PPP1R16B: variants seen among roughly 807,000 people sequenced by gnomAD.
The protein encoded by PPP1R16B is protein phosphatase 1 regulatory inhibitor subunit 16B.
Under a neutral mutation model 61.7 loss-of-function variants are expected in PPP1R16B, and 14 were observed. The observed-to-expected ratio is 0.23, with a 90% CI of 0.15 to 0.35. PPP1R16B has a LOEUF of 0.35. Ranked by LOEUF, PPP1R16B falls within the 10% of genes least tolerant of loss-of-function variation. The pLI, the probability that PPP1R16B is intolerant of heterozygous loss-of-function variation, is 1.00. For missense variants in PPP1R16B, 547 were observed against 752.5 expected, an observed-to-expected ratio of 0.73 and a Z score of 3.19; for synonymous variants, 266 against 305.3, an observed-to-expected ratio of 0.87 and a Z score of 1.34.
chr20:38,814,553 C>T (rs2084723064), intron 1 of PPP1R16B, among the ~76,000 whole-genome samples: 1 of 152,066 alleles, frequency 6.6e-6, no homozygotes, highest in South Asian at 2.1e-4. Flanking sequence ...TAGGAGGTAC[C>T]TGATACATGC....
At chr20:38,815,090 G>A (rs914511387) in intron 1 of PPP1R16B, among the ~76,000 whole-genome samples, 1 of 151,938 alleles carries the variant, frequency 6.6e-6, no homozygotes, top group African/African-American at 2.4e-5. Context: ...ATGGCTGTAT[G>A]TCATGCTTTT....
intron 2 of PPP1R16B, among the ~76,000 whole-genome samples, chr20:38,887,675 G>A (rs6015978): frequency 0.47 from 71,401 of 152,124 alleles, 17,661 homozygotes; most frequent in East Asian, 0.71. Context: ...TTAAGCAGCC[G>A]TAATAGCCAG....
At chr20:38,917,811 C>T (rs1390054770) in intron 10 of PPP1R16B, among the ~76,000 whole-genome samples, 2 of 152,164 alleles carry the variant, frequency 1.3e-5, no homozygotes, top group African/African-American at 2.4e-5. Context: ...ACCCACAGTT[C>T]CTACAGAAAC....
chr20:38,835,835 G>A lies in PPP1R16B; in HGVS notation c.-91G>A, dbSNP rs751598942. 6 of 1,401,982 alleles carry A rather than the reference G, an allele frequency of 4.3e-6. No homozygotes were observed. The highest frequency in any genetic ancestry group is 5.6e-6 in the Non-Finnish European group (6 of 1,067,042). The allele number at this position is 1,401,982 out of a possible 1,614,324, so 86.8% of individuals were successfully genotyped here. A position where few individuals can be genotyped will look rare whatever the true frequency, so the allele number is the denominator to read the frequency against. ...CCCTCCCTGCCACAGGCCACACCAT[G>A]AGGCCCCAGCCCCACCAGAGGCCCC... On this transcript the variant is annotated 5_prime_UTR_variant, in exon 2 of 11. It removes an upstream start codon present in the reference 5' UTR. Transcript: ENST00000299824.
chr20:38,901,775 C>T (rs1186368079), intron 5 of PPP1R16B, among the ~76,000 whole-genome samples: 2 of 152,174 alleles, frequency 1.3e-5, no homozygotes, highest in African/African-American at 2.4e-5. Flanking sequence ...TATATTAAAG[C>T]GTAAGTACCA....
At chr20:38,845,122 G>A (rs1490303969) in intron 2 of PPP1R16B, among the ~76,000 whole-genome samples, 1 of 152,154 alleles carries the variant, frequency 6.6e-6, no homozygotes, top group African/African-American at 2.4e-5. Flanking sequence ...AACCTAACCA[G>A]AAAGCAGAAT....
At chr20:38,883,455 A>G (rs1195451766) in intron 2 of PPP1R16B, among the ~76,000 whole-genome samples, 1 of 152,260 alleles carries the variant, frequency 6.6e-6, no homozygotes, top group African/African-American at 2.4e-5. Flanking sequence ...GGAGAGGACC[A>G]GATGGCCCTG....
chr20:38,899,151 C>A (rs900612975), intron 4 of PPP1R16B, among the ~76,000 whole-genome samples: 17 of 152,272 alleles, frequency 1.1e-4, no homozygotes, highest in African/African-American at 3.9e-4. Context: ...GTACTGCTGC[C>A]CCAGCTCAGA....
chr20:38,891,231 G>A (rs972992941), intron 3 of PPP1R16B, among the ~76,000 whole-genome samples: 1 of 152,172 alleles, frequency 6.6e-6, no homozygotes, highest in Non-Finnish European at 1.5e-5. Context: ...TTGTGGCCCG[G>A]AGCTGTCACC....
At position 38,922,096 on chromosome 20, in the gene PPP1R16B, T is replaced by A. The variant is rs1379479430; in HGVS notation, c.*3430T>A. The A allele has an allele frequency of 6.6e-6, 1 of 152,208 alleles. No individual in the cohort carries two copies. Among genetic ancestry groups the A allele is most frequent in the Non-Finnish European group, 1.5e-5 (1 of 68,058 alleles). The allele number at this position is 152,208 out of a possible 1,614,324, so 9.4% of individuals were successfully genotyped here. A position where few individuals can be genotyped will look rare whatever the true frequency, so the allele number is the denominator to read the frequency against. ...AGACTGTGAGTTTCTGGCAAGTAGC[T>A]TGGGGAAGCTGAATAAACTCTAGGC... is the stretch of plus-strand genomic sequence containing the variant. On this transcript the variant is annotated 3_prime_UTR_variant, in exon 11 of 11. Coordinates refer to ENST00000299824, the MANE Select transcript of PPP1R16B (RefSeq NM_015568.4).
chr20:38,873,815 G>A (rs1018980286), intron 2 of PPP1R16B, among the ~76,000 whole-genome samples: 2 of 145,538 alleles, frequency 1.4e-5, no homozygotes, highest in Non-Finnish European at 3.0e-5. Flanking sequence ...TGCAACCTCT[G>A]CCTCCTGGGT....
intron 1 of PPP1R16B, among the ~76,000 whole-genome samples, chr20:38,812,474 C>T (rs1362945997): frequency 1.3e-5 from 2 of 152,194 alleles, no homozygotes; most frequent in African/African-American, 4.8e-5. Flanking sequence ...TGCCTGATAA[C>T]TTGAAGCTTG....
intron 1 of PPP1R16B, among the ~76,000 whole-genome samples, chr20:38,833,870 G>T (rs2084852823): frequency 6.6e-6 from 1 of 152,244 alleles, no homozygotes; most frequent in South Asian, 2.1e-4. Flanking sequence ...TGAGGATTTA[G>T]CCTGAGCCCT....
chr20:38,905,436 C>T (rs939233103), intron 6 of PPP1R16B, among the ~76,000 whole-genome samples: 5 of 152,188 alleles, frequency 3.3e-5, no homozygotes, highest in African/African-American at 4.8e-5. Flanking sequence ...ATCCTCACAA[C>T]ATAGTGGCTG....
At chr20:38,835,123 C>T (rs148071388) in intron 1 of PPP1R16B, among the ~76,000 whole-genome samples, 74 of 152,334 alleles carry the variant, frequency 4.9e-4, no homozygotes, top group Non-Finnish European at 8.5e-4. Flanking sequence ...CTATGGGGTT[C>T]CCAGACCACA....
chr20:38,894,170 C>G (rs2085315489), intron 3 of PPP1R16B, among the ~76,000 whole-genome samples: 2 of 143,942 alleles, frequency 1.4e-5, no homozygotes, highest in Admixed American at 1.4e-4. Flanking sequence ...ACCTGGGTCT[C>G]TGGCGCCATC....
At chr20:38,810,032 G>A (rs1005364210) in intron 1 of PPP1R16B, among the ~76,000 whole-genome samples, 10 of 144,100 alleles carry the variant, frequency 6.9e-5, no homozygotes, top group Non-Finnish European at 7.5e-5. Context: ...TAAAAACCCA[G>A]CTTGGGCTTT....
chr20:38,861,094 A>G (rs1036821330), intron 2 of PPP1R16B, among the ~76,000 whole-genome samples: 1 of 152,178 alleles, frequency 6.6e-6, no homozygotes, highest in Non-Finnish European at 1.5e-5. Context: ...TACAGGCAGC[A>G]TGAGTGGAGA....
chr20:38,907,246 A>G lies in PPP1R16B; in HGVS notation c.898+192A>G, dbSNP rs1021541961. ...TAATGGATAGATGGATAAATGGATGAATGGATGGTTGAGGTGGTAGATGGG... is the reference window on the plus strand; with the variant it reads ...TAATGGATAGATGGATAAATGGATGGATGGATGGTTGAGGTGGTAGATGGG... On this transcript the variant is annotated intron_variant, in intron 8 of 10. Transcript: ENST00000299824. This position sits in a 1 kb window ranked among gnomAD's most constrained non-coding sequence, Gnocchi z 4.5. Among the ~76,000 whole-genome samples, 1 of 152,030 alleles carries G rather than the reference A, an allele frequency of 6.6e-6. No individual in the cohort carries two copies. The highest frequency in any genetic ancestry group is 1.5e-5 in the Non-Finnish European group (1 of 68,006).
Sources: gnomAD v4.1 joint callset for allele counts (sites outside exome capture counted in the v4.1 genomes callset) on GRCh38, gnomAD v4.1.1 for gene constraint, Gnocchi (gnomAD v3.1) non-coding constraint, MANE v1.5 for transcripts, NCBI Gene and HGNC (gene_info 2026-07-23, HGNC 2026-07-21) for gene names.